Variants in BCL2L14 observed in about 807,000 individuals in gnomAD.
The protein encoded by BCL2L14 is apoptosis facilitator Bcl-2-like protein 14.
A neutral mutation model predicts 35.3 loss-of-function variants in BCL2L14; 27 were observed. The ratio of observed to expected loss-of-function variants is 0.76; its 90% CI spans 0.56 to 1.05. BCL2L14 has a LOEUF of 1.05. BCL2L14 is among the 50% of genes least tolerant of loss of function. The pLI, the probability that BCL2L14 is intolerant of heterozygous loss-of-function variation, is 0.00. For synonymous variants in BCL2L14, 139 were observed against 145.9 expected, an observed-to-expected ratio of 0.95 and a Z score of 0.34; for missense variants, 377 against 382.6, an observed-to-expected ratio of 0.99 and a Z score of 0.12.
chr12:12,093,681 T>C (rs1199921858), intron 4 of BCL2L14, among the ~76,000 whole-genome samples: 2 of 151,262 alleles, frequency 1.3e-5, no homozygotes, highest in Non-Finnish European at 2.9e-5. Flanking sequence ...TAATCCCAGC[T>C]ACTTGGGAGG....
chr12:12,093,409 G>A (rs1363038459), intron 4 of BCL2L14, among the ~76,000 whole-genome samples: 1 of 152,168 alleles, frequency 6.6e-6, no homozygotes, highest in African/African-American at 2.4e-5. Flanking sequence ...GAGGTGGGAG[G>A]ATCGCTTGAG....
rs1249213225 is a variant in BCL2L14, at chr12:12,097,908, A to G, written c.946-1042A>G. 4.6e-5 allele frequency among the ~76,000 whole-genome samples: 7 copies of G among 152,322 alleles called. No individual in the cohort carries two copies. In the East Asian group the frequency reaches 1.3e-3, roughly 29 times the overall value. ...TAGTTCTTTAACATCTGTAGTTTCA[A>G]TTCAAAATGTATTTCTTATCCAAGT... On this transcript the variant is annotated intron_variant, in intron 5 of 5. Coordinates refer to ENST00000308721, the MANE Select transcript of BCL2L14 (RefSeq NM_138723.2).
At chr12:12,062,262 C>T (rs1283241239) in intron 2 of BCL2L14, among the ~76,000 whole-genome samples, 1 of 147,558 alleles carries the variant, frequency 6.8e-6, no homozygotes, top group Non-Finnish European at 1.5e-5. Context: ...TTCCTGATAC[C>T]ACACCTGACC....
intron 1 of BCL2L14, among the ~76,000 whole-genome samples, chr12:12,050,412 G>A (rs1331506078): frequency 3.0e-5 from 4 of 135,142 alleles, no homozygotes; most frequent in African/African-American, 5.7e-5. Flanking sequence ...CAACCTGGGC[G>A]ACAGAGGGAG....
intron 2 of BCL2L14, among the ~76,000 whole-genome samples, chr12:12,052,536 C>T (rs932406438): frequency 2.6e-5 from 4 of 152,188 alleles, no homozygotes; most frequent in African/African-American, 9.7e-5. Context: ...TCCATGTTGT[C>T]CCAAATCACA....
intron 1 of BCL2L14, among the ~76,000 whole-genome samples, chr12:12,072,778 C>T (rs534530176): frequency 8.1e-4 from 123 of 152,246 alleles, no homozygotes; most frequent in African/African-American, 2.6e-3. Context: ...AATACTCGAT[C>T]GCTGCTGCTT....
chr12:12,072,388 C>T (rs1171701604), intron 1 of BCL2L14: 1 of 152,318 alleles, frequency 6.6e-6, no homozygotes, highest in African/African-American at 2.4e-5. Context: ...GCCAGTGTTC[C>T]CAGAGGACAC....
At chr12:12,090,123 C>T (rs1949147623) in intron 3 of BCL2L14, among the ~76,000 whole-genome samples, 1 of 152,108 alleles carries the variant, frequency 6.6e-6, no homozygotes, top group Admixed American at 6.6e-5. Context: ...GAATATTCCC[C>T]CTAAATATCT....
intron 3 of BCL2L14, among the ~76,000 whole-genome samples, chr12:12,087,635 G>A (rs938907938): frequency 5.3e-5 from 8 of 152,254 alleles, no homozygotes; most frequent in Non-Finnish European, 1.0e-4. Context: ...TACAGAGGGA[G>A]AGGAGGAAAC....
Position 12,090,781 on chromosome 12 carries a change from G to T in BCL2L14, c.610G>T (p.Glu204Ter). ...VPVASSSKKD[E>*]EEQILAKIVE... ...ATAACTGGAATTTTCCCCGACAGAT[G>T]AAGAAGAACAAATACTAGCCAAAAT... The change falls in exon 4 of 6, where the codon GAA becomes TAA. Residue 204 changes from glutamate to a stop codon, truncating the protein, a stop_gained and splice_region_variant. Coordinates refer to ENST00000308721, the MANE Select transcript of BCL2L14 (RefSeq NM_138723.2). LOFTEE classifies it high-confidence loss of function. The T allele has an allele frequency of 6.2e-7, 1 of 1,609,546 alleles. No individual in the cohort carries two copies. Among genetic ancestry groups the T allele is most frequent in the South Asian group, 1.1e-5 (1 of 89,736 alleles).
intron 1 of BCL2L14, among the ~76,000 whole-genome samples, chr12:12,051,161 T>G (rs1285405273): frequency 1.3e-5 from 2 of 151,660 alleles, no homozygotes; most frequent in African/African-American, 4.8e-5. Context: ...GAGGGAGGGG[T>G]TAATAAATAG....
At chr12:12,067,358 C>T (rs575074309), upstream of BCL2L14, among the ~76,000 whole-genome samples, 1 of 152,238 alleles carries the variant, frequency 6.6e-6, no homozygotes, top group East Asian at 1.9e-4. Context: ...GGAGACCAGT[C>T]TGGCCAACAT....
At chr12:12,055,020 C>T (rs1948410629) in intron 2 of BCL2L14, 1 of 151,998 alleles carries the variant, frequency 6.6e-6, no homozygotes, top group African/African-American at 2.4e-5. Flanking sequence ...AATGACATCC[C>T]TCCAGGTGTG....
At chr12:12,087,904 G>A (rs559991529) in intron 3 of BCL2L14, among the ~76,000 whole-genome samples, 2 of 152,322 alleles carry the variant, frequency 1.3e-5, no homozygotes, top group East Asian at 3.9e-4. Flanking sequence ...AGCTGAGACT[G>A]TAGATCCCAT....
intron 5 of BCL2L14, 83 bp from the exon 6 acceptor site, chr12:12,098,867 A>T: frequency 2.0e-6 from 2 of 1,005,066 alleles, no homozygotes; most frequent in Non-Finnish European, 3.2e-6. Flanking sequence ...CACGCCTGGG[A>T]TAGAGCAGAG....
chr12:12,073,571 TGCACAC>T (rs1209763988), intron 1 of BCL2L14, among the ~76,000 whole-genome samples: 1 of 151,668 alleles, frequency 6.6e-6, no homozygotes, highest in Non-Finnish European at 1.5e-5. Context: ...CACACACACA[TGCACAC>T]GCACACACAA....
At chr12:12,085,037 T>C (rs2136760522) in intron 2 of BCL2L14, among the ~76,000 whole-genome samples, 1 of 140,468 alleles carries the variant, frequency 7.1e-6, no homozygotes, top group Non-Finnish European at 1.5e-5. Flanking sequence ...CGAGCCGAGA[T>C]CGTGCCATTG....
intron 3 of BCL2L14, 133 bp from the exon 4 acceptor site, chr12:12,090,644 AAT>A (rs147265028): frequency 0.17 from 101,550 of 599,690 alleles, 7,383 homozygotes; most frequent in Middle Eastern, 0.28. Flanking sequence ...AAAAATAAAA[AAT>A]AAAAAAAAAA....
At chr12:12,053,584 C>G (rs544824730) in intron 2 of BCL2L14, among the ~76,000 whole-genome samples, 61 of 152,258 alleles carry the variant, frequency 4.0e-4, no homozygotes, top group Non-Finnish European at 6.8e-4. Flanking sequence ...CCACACCCGG[C>G]TAATTTTGTA....
Sources: allele counts gnomAD v4.1 joint callset (sites outside exome capture counted in the v4.1 genomes callset), GRCh38; gene constraint gnomAD v4.1.1; transcripts MANE v1.5; gene names NCBI Gene and HGNC (gene_info 2026-07-23, HGNC 2026-07-21).